Variants in PAM observed in about 807,000 individuals in gnomAD.
PAM encodes the protein peptidylglycine alpha-amidating monooxygenase.
PAM carries 72 observed loss-of-function variants against 122.1 expected under a neutral mutation model. The observed-to-expected ratio is 0.59, with a 90% CI of 0.49 to 0.72. The LOEUF (loss-of-function observed/expected upper bound fraction) is 0.72, where lower values mean the gene tolerates loss of function less well. Ranked by LOEUF, PAM falls within the 30% of genes least tolerant of loss-of-function variation. The pLI, the probability that PAM is intolerant of heterozygous loss-of-function variation, is 0.00. For synonymous variants in PAM, 389 were observed against 404.4 expected (o/e 0.96, Z 0.46); for missense variants, 1,106 against 1,183.7 (o/e 0.93, Z 0.96).
At chr5:102,837,979 T>C (rs576271016) in intron 1 of PAM, among the ~76,000 whole-genome samples, 1 of 152,324 alleles carries the variant, frequency 6.6e-6, no homozygotes, top group South Asian at 2.1e-4. Context: ...GTTTTAAACA[T>C]CATTTTAACG....
chr5:102,983,645 C>T (rs549971222), intron 15 of PAM, among the ~76,000 whole-genome samples: 523 of 152,114 alleles, frequency 3.4e-3, no homozygotes, highest in Non-Finnish European at 5.5e-3. Context: ...GAAAACTTCC[C>T]GTTTTGAAAG....
At chr5:102,871,588 C>A (rs1345532522) in intron 3 of PAM, among the ~76,000 whole-genome samples, 2 of 151,298 alleles carry the variant, frequency 1.3e-5, no homozygotes, top group East Asian at 3.9e-4. Flanking sequence ...AAAAGGAACA[C>A]TGAGAATAGA....
chr5:102,801,863 C>T (rs1265788389), intron 1 of PAM, among the ~76,000 whole-genome samples: 1 of 147,486 alleles, frequency 6.8e-6, no homozygotes, highest in Admixed American at 6.8e-5. Context: ...ACTGCAAGCT[C>T]CGCCTCCTGG....
chr5:102,925,337 A>G (rs904721246), intron 6 of PAM, among the ~76,000 whole-genome samples: 7 of 152,222 alleles, frequency 4.6e-5, no homozygotes, highest in African/African-American at 1.7e-4. Flanking sequence ...TTGACAGCAG[A>G]CACATTTCAT....
chr5:103,010,910 A>G (rs1780397149), intron 21 of PAM, among the ~76,000 whole-genome samples: 1 of 152,160 alleles, frequency 6.6e-6, no homozygotes, highest in African/African-American at 2.4e-5. Context: ...CCCCTCAAGC[A>G]TTTATCCTTT....
At chr5:102,983,643 C>T (rs1467563868) in intron 15 of PAM, among the ~76,000 whole-genome samples, 2 of 152,004 alleles carry the variant, frequency 1.3e-5, no homozygotes, top group South Asian at 2.1e-4. Context: ...CTGAAAACTT[C>T]CCGTTTTGAA....
intron 6 of PAM, among the ~76,000 whole-genome samples, chr5:102,926,196 G>A (rs1023376086): frequency 2.0e-5 from 3 of 152,010 alleles, no homozygotes; most frequent in African/African-American, 4.8e-5. Context: ...CCGGGTTCAC[G>A]CCATTCTCCT....
chr5:102,915,320 G>A (rs1017027424), intron 5 of PAM, among the ~76,000 whole-genome samples: 2 of 152,058 alleles, frequency 1.3e-5, no homozygotes, highest in African/African-American at 2.4e-5. Flanking sequence ...AATATAATGT[G>A]TATTTGGAAC....
intron 15 of PAM, among the ~76,000 whole-genome samples, chr5:102,979,058 A>G (rs200006218): frequency 7.9e-6 from 1 of 127,094 alleles, no homozygotes; most frequent in Non-Finnish European, 1.7e-5. Flanking sequence ...ACACACACAC[A>G]CACGCACACA....
At chr5:102,789,401 A>C (rs554167124) in intron 1 of PAM, among the ~76,000 whole-genome samples, 9 of 152,158 alleles carry the variant, frequency 5.9e-5, no homozygotes, top group Non-Finnish European at 1.3e-4. Context: ...GGTTGTCAGC[A>C]GATGAATGGA....
chr5:102,780,759 CTTTCTTTCTT>C (rs1758575432), intron 1 of PAM, among the ~76,000 whole-genome samples: 3 of 27,150 alleles, frequency 1.1e-4, no homozygotes, highest in African/African-American at 3.0e-4. Flanking sequence ...CTTTCTCTTT[CTTTCTTTCTT>C]TCTTTCTTTC....
intron 23 of PAM, among the ~76,000 whole-genome samples, chr5:103,020,707 A>G (rs193261095): frequency 6.6e-6 from 1 of 152,316 alleles, no homozygotes; most frequent in Admixed American, 6.5e-5. Context: ...TGATTCACCT[A>G]GACATTCAGA....
chr5:102,948,285 T>C (rs1561993284), intron 8 of PAM, 93 bp from the exon 9 acceptor site: 1 of 645,316 alleles, frequency 1.5e-6, no homozygotes. Context: ...CATCACATTT[T>C]ATAAACCAAA....
At chr5:102,852,634 C>G (rs185486989) in intron 1 of PAM, among the ~76,000 whole-genome samples, 1 of 151,584 alleles carries the variant, frequency 6.6e-6, no homozygotes, top group African/African-American at 2.4e-5. Flanking sequence ...AATTTTATGA[C>G]AATAGAAATT....
chr5:102,936,125 G>A (rs889309199), intron 7 of PAM, among the ~76,000 whole-genome samples: 8 of 152,020 alleles, frequency 5.3e-5, no homozygotes, highest in Non-Finnish European at 1.2e-4. Context: ...GTATCTGTGT[G>A]GTGGAAATAC....
intron 4 of PAM, among the ~76,000 whole-genome samples, chr5:102,905,501 A>G (rs1799260535): frequency 6.6e-6 from 1 of 151,714 alleles, no homozygotes; most frequent in Non-Finnish European, 1.5e-5. Context: ...GAATAGTTCA[A>G]AATATGACCT....
At chr5:103,008,564 G>C (rs1217702632) in intron 20 of PAM, among the ~76,000 whole-genome samples, 2 of 152,062 alleles carry the variant, frequency 1.3e-5, no homozygotes, top group African/African-American at 4.8e-5. Context: ...AAGCAGCATT[G>C]ACTATTTATA....
chr5:102,810,871 G>T (rs1256445961), intron 1 of PAM, among the ~76,000 whole-genome samples: 10 of 152,166 alleles, frequency 6.6e-5, no homozygotes, highest in African/African-American at 2.4e-4. Context: ...CTATCCAAAA[G>T]AATTAGAAAA....
intron 7 of PAM, among the ~76,000 whole-genome samples, chr5:102,926,923 T>C (rs1006291319): frequency 5.3e-5 from 8 of 152,062 alleles, no homozygotes; most frequent in African/African-American, 1.9e-4. Flanking sequence ...TGCCTTCTAG[T>C]GTATTGTTTT....
Sources: allele counts gnomAD v4.1 joint callset (sites outside exome capture counted in the v4.1 genomes callset), GRCh38; gene constraint gnomAD v4.1.1; transcripts MANE v1.5; gene names NCBI Gene and HGNC (gene_info 2026-07-23, HGNC 2026-07-21).